The following CCDC170 variants were observed in gnomAD, a reference collection of about 807,000 sequenced individuals.
The protein encoded by CCDC170 is coiled-coil domain-containing protein 170.
In CCDC170, 69 loss-of-function variants were observed where a neutral mutation model predicts 72.6. That is an observed-to-expected ratio of 0.95 (90% CI 0.78 to 1.16). The LOEUF is 1.16. Ranked by LOEUF, CCDC170 falls within the 50% of genes most tolerant of loss-of-function variation. The pLI is 0.00. For missense variants in CCDC170, 852 were observed against 832.5 expected (o/e 1.02, Z -0.29); for synonymous variants, 300 against 303.9 (o/e 0.99, Z 0.13).
chr6:151,534,003 G>C lies in CCDC170; in HGVS notation c.58-2315G>C, dbSNP rs17081388. Among the ~76,000 whole-genome samples, 1,428 of 151,838 alleles carry C rather than the reference G, an allele frequency of 9.4e-3. 21 individuals are homozygous for C. Among genetic ancestry groups the C allele is most frequent in the African/African-American group, 0.032 (1,332 of 41,422 alleles). ...TGTAGTCCCTACTCCAGTGTTAAGG[G>C]AATAATATCTTAATACACAGCTTCT... is the stretch of plus-strand genomic sequence containing the variant. On this transcript the variant is annotated intron_variant, in intron 1 of 10. Transcript: ENST00000239374.
At chr6:151,501,148 C>T (rs1318622646) in intron 1 of CCDC170, among the ~76,000 whole-genome samples, 1 of 151,026 alleles carries the variant, frequency 6.6e-6, no homozygotes, top group Non-Finnish European at 1.5e-5. Flanking sequence ...ATGCTTTATA[C>T]TATTAAAAAT....
In CCDC170 at chr6:151,596,303, T is replaced by TA. The variant is rs3834321; in HGVS notation, c.1468-22dup. ...TTTATATTTACTATTGTTCAATTAT[T>TA]AAAAAAAAAATCCCTGTTTGCATCA... On this transcript the variant is annotated intron_variant, in intron 8 of 10. Transcript: ENST00000239374. 5.6e-3 allele frequency: 7,938 copies of TA among 1,428,774 alleles called. 224 individuals carry two copies. In the African/African-American group the frequency reaches 0.086, roughly 15 times the overall value. 88.5% of individuals were successfully genotyped at this position (1,428,774 alleles called of 1,614,324 possible).
chr6:151,496,127 G>A (rs1188564893), intron 1 of CCDC170, among the ~76,000 whole-genome samples: 1 of 151,990 alleles, frequency 6.6e-6, no homozygotes, highest in African/African-American at 2.4e-5. Context: ...CAGGTCATTC[G>A]TTTTATAGAG....
At chr6:151,500,219 T>C (rs1781975486) in intron 1 of CCDC170, among the ~76,000 whole-genome samples, 1 of 151,588 alleles carries the variant, frequency 6.6e-6, no homozygotes, top group Non-Finnish European at 1.5e-5. Context: ...TGCTCTGTTT[T>C]TTTTTTTTTT....
intron 9 of CCDC170, among the ~76,000 whole-genome samples, chr6:151,610,194 T>C (rs1026425917): frequency 2.0e-5 from 3 of 152,214 alleles, no homozygotes; most frequent in African/African-American, 7.2e-5. Flanking sequence ...CAATGTAATG[T>C]CCCCATTTTA....
At chr6:151,606,196 C>T (rs1776783304) in intron 9 of CCDC170, among the ~76,000 whole-genome samples, 2 of 152,234 alleles carry the variant, frequency 1.3e-5, no homozygotes, top group South Asian at 4.1e-4. Context: ...GCCACTGCAC[C>T]TGGCCTATGC....
At chr6:151,529,797 A>G (rs1782468569) in intron 1 of CCDC170, among the ~76,000 whole-genome samples, 1 of 152,242 alleles carries the variant, frequency 6.6e-6, no homozygotes, top group South Asian at 2.1e-4. Context: ...GCTATAACAG[A>G]ATACCACAGA....
At chr6:151,495,698 G>C (rs1266469511) in intron 1 of CCDC170, among the ~76,000 whole-genome samples, 1 of 152,026 alleles carries the variant, frequency 6.6e-6, no homozygotes, top group African/African-American at 2.4e-5. Context: ...GTTTTATCGT[G>C]TTGCTCAGGC....
At chr6:151,526,091 C>T (rs1291652184) in intron 1 of CCDC170, among the ~76,000 whole-genome samples, 1 of 145,670 alleles carries the variant, frequency 6.9e-6, no homozygotes, top group African/African-American at 2.7e-5. Flanking sequence ...TTCCTTCCTT[C>T]CTTTCTTCCT....
intron 7 of CCDC170, among the ~76,000 whole-genome samples, chr6:151,586,381 ACAGATACT>A (rs1776451222): frequency 6.6e-6 from 1 of 152,198 alleles, no homozygotes; most frequent in African/African-American, 2.4e-5. Context: ...AATAGGGGAG[ACAGATACT>A]CAGATAATTT....
intron 5 of CCDC170, among the ~76,000 whole-genome samples, chr6:151,551,413 A>G (rs1465273545): frequency 6.6e-6 from 1 of 152,124 alleles, no homozygotes; most frequent in African/African-American, 2.4e-5. Context: ...ACATTTTTTT[A>G]TATGCTTCCT....
chr6:151,522,744 T>A (rs1176408087), intron 1 of CCDC170, among the ~76,000 whole-genome samples: 1 of 152,208 alleles, frequency 6.6e-6, no homozygotes, highest in Non-Finnish European at 1.5e-5. Context: ...AAGAAAATGT[T>A]ATATTCGAGT....
chr6:151,500,626 T>G (rs1781981289), intron 1 of CCDC170, among the ~76,000 whole-genome samples: 1 of 152,080 alleles, frequency 6.6e-6, no homozygotes. Context: ...TAAAATTGAT[T>G]GGCTATATTA....
intron 4 of CCDC170, among the ~76,000 whole-genome samples, chr6:151,545,681 C>T (rs1213965369): frequency 6.6e-6 from 1 of 152,066 alleles, no homozygotes; most frequent in Non-Finnish European, 1.5e-5. Context: ...GTCATCCAGG[C>T]TGGAGTACAG....
intron 5 of CCDC170, among the ~76,000 whole-genome samples, chr6:151,567,508 A>G (rs373377812): frequency 3.5e-4 from 53 of 152,212 alleles, no homozygotes; most frequent in African/African-American, 1.1e-3. Flanking sequence ...CTGGAATTAC[A>G]GGTGTGAGCC....
chr6:151,515,830 G>A (rs188407332), intron 1 of CCDC170, among the ~76,000 whole-genome samples: 67 of 152,280 alleles, frequency 4.4e-4, no homozygotes, highest in East Asian at 1.9e-4. Context: ...CTCTTTGGAA[G>A]TCCGAAGCGG....
intron 9 of CCDC170, among the ~76,000 whole-genome samples, chr6:151,608,935 A>G (rs1005971794): frequency 2.8e-4 from 43 of 152,168 alleles, no homozygotes; most frequent in African/African-American, 9.4e-4. Flanking sequence ...AGCTAACTTT[A>G]TAGGTGTCCA....
In CCDC170 at chr6:151,615,656, G is replaced by A. The variant is rs944999954; in HGVS notation, c.1924G>A (p.Glu642Lys). 4 of 1,613,554 alleles carry A rather than the reference G, an allele frequency of 2.5e-6. No homozygotes were observed. The highest frequency in any genetic ancestry group is 2.7e-5 in the African/African-American group (2 of 74,886). Reference protein sequence around the residue: ...EMKTLKKSLEEAEKREKQLAD... With the variant: ...EMKTLKKSLEKAEKREKQLAD... ...GAAGACACTAAAAAAATCTCTGGAA[G>A]AAGCAGAAAAGAGAGAAAAGCAGGT... The change falls in exon 10 of 11, where the codon GAA (glutamate) becomes AAA (lysine). Residue 642 changes from glutamate (E) to lysine (K), a missense_variant. Glu to Lys is a moderately conservative substitution (Grantham distance 56, BLOSUM62 1). Coordinates refer to ENST00000239374, the MANE Select transcript of CCDC170 (RefSeq NM_025059.4).
Position 151,496,850 on chromosome 6 carries a change from C to T in CCDC170, c.57+2665C>T, listed in dbSNP as rs141653621. On this transcript the variant is annotated intron_variant, in intron 1 of 10. Transcript: ENST00000239374. ...TAAAACATGGAATCATAAAACTTAT[C>T]GCATAACGTAGTTTGAGGATTTCAC... Among the ~76,000 whole-genome samples the T allele has an allele frequency of 2.5e-3, 380 of 152,316 alleles. 1 individual carries two copies. Among genetic ancestry groups the T allele is most frequent in the African/African-American group, 8.0e-3 (332 of 41,560 alleles).
Sources: allele counts gnomAD v4.1 joint callset (sites outside exome capture counted in the v4.1 genomes callset), GRCh38; gene constraint gnomAD v4.1.1; transcripts MANE v1.5; gene names NCBI Gene and HGNC (gene_info 2026-07-23, HGNC 2026-07-21).